Variants in OR7A5 observed in about 807,000 individuals in gnomAD.
OR7A5 encodes olfactory receptor family 7 subfamily A member 5.
For missense variants in OR7A5, 319 were observed against 377.9 expected, an observed-to-expected ratio of 0.84 and a Z score of 1.29; for synonymous variants, 140 against 146.7, an observed-to-expected ratio of 0.95 and a Z score of 0.33.
intron 1 of OR7A5, among the ~76,000 whole-genome samples, chr19:14,828,866 T>C (rs1417183962): frequency 6.7e-6 from 1 of 148,426 alleles, no homozygotes; most frequent in African/African-American, 2.5e-5. Context: ...AGATAATGAG[T>C]GAACAATGCT....
At position 14,827,829 on chromosome 19, in the gene OR7A5, G is replaced by A. The variant is rs780497335; in HGVS notation, c.413C>T (p.Pro138Leu). 6.2e-7 allele frequency: 1 copy of A among 1,614,144 alleles called. No individual in the cohort carries two copies. The highest frequency in any genetic ancestry group is 1.1e-5 in the South Asian group (1 of 91,090). ...HPLHYMVIMN[P>L]HLCGLLVLAS... ...TAGAACCAGCAGTCCACAGAGGTGAGGGTTCATAATGACCATGTAGTGCAG... is the reference window on the plus strand; with the variant it reads ...TAGAACCAGCAGTCCACAGAGGTGAAGGTTCATAATGACCATGTAGTGCAG... Residue 138 changes from proline to leucine, a missense_variant, in exon 2 of 2, where the codon CCT (proline) becomes CTT (leucine). Coordinates refer to ENST00000322301, the MANE Select transcript of OR7A5 (RefSeq NM_017506.2).
At chr19:14,832,953 A>T (rs534985320) in intron 1 of OR7A5, among the ~76,000 whole-genome samples, 1 of 152,214 alleles carries the variant, frequency 6.6e-6, no homozygotes, top group Non-Finnish European at 1.5e-5. Context: ...TATGGCATAC[A>T]CTGTTCATAA....
Position 14,831,379 on chromosome 19 carries a change from G to A in OR7A5, c.-13-3125C>T, listed in dbSNP as rs117253686. ...CAATTGGTTTTTATATGAATTGAGAGTGGATGAAGCAGTCCCTTTCTCACT... is the reference window on the plus strand; with the variant it reads ...CAATTGGTTTTTATATGAATTGAGAATGGATGAAGCAGTCCCTTTCTCACT... On this transcript the variant is annotated intron_variant, in intron 1 of 1. Transcript: ENST00000322301. Among the ~76,000 whole-genome samples the A allele has an allele frequency of 3.9e-5, 6 of 152,234 alleles. No individual in the cohort carries two copies. The East Asian group carries it at 1.2e-3, about 29-fold the overall frequency.
At position 14,827,906 on chromosome 19, in the gene OR7A5, G is replaced by A. The variant is rs1411821153; in HGVS notation, c.336C>T (p.Asn112=). Residue 112 remains asparagine (N), a synonymous_variant, in exon 2 of 2, where the codon AAC becomes AAT. Transcript: ENST00000322301. ...YFFILFAGFE[N]FLLSVMAYDR... is the part of the protein sequence containing the mutation. ...CATAGGCCATCACGGACAGGAGGAA[G>A]TTTTCAAATCCAGCAAAGAGTATGA... The A allele has an allele frequency of 1.9e-6, 3 of 1,614,208 alleles. No individual in the cohort carries two copies. The highest frequency in any genetic ancestry group is 1.6e-4 in the Middle Eastern group (1 of 6,062).
At chr19:14,828,707 C>T (rs983046329) in intron 1 of OR7A5, among the ~76,000 whole-genome samples, 2 of 128,188 alleles carry the variant, frequency 1.6e-5, no homozygotes, top group South Asian at 5.2e-4. Context: ...TTGCAGTGAG[C>T]TGAGATCATG....
At chr19:14,834,123 A>C (rs895022583) in intron 1 of OR7A5, among the ~76,000 whole-genome samples, 1 of 152,132 alleles carries the variant, frequency 6.6e-6, no homozygotes, top group Non-Finnish European at 1.5e-5. Flanking sequence ...TTAGCCTAGC[A>C]TGGTGGTGCA....
At chr19:14,831,588 G>A (rs2044832830) in intron 1 of OR7A5, among the ~76,000 whole-genome samples, 3 of 152,020 alleles carry the variant, frequency 2.0e-5, no homozygotes, top group Admixed American at 2.0e-4. Context: ...GGCATTACAG[G>A]TGCCCGCCAC....
At position 14,828,200 on chromosome 19, in the gene OR7A5, A is replaced by G; in HGVS notation, c.42T>C (p.Leu14=). The change falls in exon 2 of 2, where the codon CTT becomes CTC. Residue 14 remains leucine (L), a synonymous_variant. Coordinates refer to ENST00000322301, the MANE Select transcript of OR7A5 (RefSeq NM_017506.2). ...GTCCAGGTTCTTGTGAAAATCCCAG[A>G]AGAAGAAATTCTGAAATTTGTGTAT... is the stretch of plus-strand genomic sequence containing the variant. The part of the protein sequence containing the change: ...GNDTQISEFL[L]LGFSQEPGLQ... 2 of 1,613,264 alleles carry G rather than the reference A, an allele frequency of 1.2e-6. No homozygotes were observed. Among genetic ancestry groups the G allele is most frequent in the South Asian group, 1.1e-5 (1 of 91,014 alleles).
Position 14,827,367 on chromosome 19 carries a change from A to T in OR7A5, c.875T>A (p.Leu292Gln), listed in dbSNP as rs2044778334. The T allele has an allele frequency of 1.2e-6, 2 of 1,609,286 alleles. No homozygotes were observed. The highest frequency in any genetic ancestry group is 2.7e-5 in the African/African-American group (2 of 74,648). The part of the protein sequence containing the change: ...TPMLNPFIYS[L>Q]RNKDIKRALG... ...AGCCCTCTTTATGTCTTTATTCCTC[A>T]GACTATAGATAAAGGGGTTCAGCAT... The change falls in exon 2 of 2, where the codon CTG (leucine) becomes CAG (glutamine). Residue 292 changes from leucine (L) to glutamine (Q), a missense_variant. Leu to Gln is a moderately radical substitution (Grantham distance 113, BLOSUM62 -2). Coordinates refer to ENST00000322301, the MANE Select transcript of OR7A5 (RefSeq NM_017506.2).
At chr19:14,830,808 C>T (rs1043271560) in intron 1 of OR7A5, among the ~76,000 whole-genome samples, 7 of 152,148 alleles carry the variant, frequency 4.6e-5, no homozygotes, top group Non-Finnish European at 8.8e-5. Flanking sequence ...TCTAAGTCTG[C>T]CTTTCTTCAT....
intron 1 of OR7A5, among the ~76,000 whole-genome samples, chr19:14,828,836 C>A (rs886847822): frequency 2.7e-5 from 4 of 147,540 alleles, no homozygotes; most frequent in African/African-American, 7.6e-5. Flanking sequence ...TGAATGTTGA[C>A]CATGTTCTTG....
At chr19:14,831,984 C>T (rs1434129472) in intron 1 of OR7A5, among the ~76,000 whole-genome samples, 1 of 152,200 alleles carries the variant, frequency 6.6e-6, no homozygotes, top group Non-Finnish European at 1.5e-5. Flanking sequence ...TCATAGCTCA[C>T]TGCAGCCTCA....
chr19:14,834,396 G>A (rs1421251231), intron 1 of OR7A5, among the ~76,000 whole-genome samples: 4 of 152,158 alleles, frequency 2.6e-5, no homozygotes, highest in Non-Finnish European at 4.4e-5. Flanking sequence ...CACTCTCTTT[G>A]ATAAAGTCTA....
At position 14,831,275 on chromosome 19, in the gene OR7A5, C is replaced by T. The variant is rs117151160; in HGVS notation, c.-13-3021G>A. Among the ~76,000 whole-genome samples the T allele has an allele frequency of 1.5e-3, 227 of 152,180 alleles. 2 individuals carry two copies. In the East Asian group the frequency reaches 0.032, roughly 22 times the overall value. ...CAATTCACAAAAAGAAACATACAAA[C>T]AATGACAAGATTTGGGCATTTTTAT... On this transcript the variant is annotated intron_variant, in intron 1 of 1. Coordinates refer to ENST00000322301, the MANE Select transcript of OR7A5 (RefSeq NM_017506.2).
Position 14,828,041 on chromosome 19 carries a change from G to C in OR7A5, c.201C>G (p.Ser67=). 1 of 1,614,234 alleles carries C rather than the reference G, an allele frequency of 6.2e-7. No individual in the cohort carries two copies. Among genetic ancestry groups the C allele is most frequent in the East Asian group, 2.2e-5 (1 of 44,880 alleles). ...TPMYFFLSNL[S]FADICVTSTT... ...TGGAAGTAACACAAATGTCAGCAAA[G>C]GACAGGTTGGAGAGGAAGAAGTACA... Residue 67 remains serine (S), a synonymous_variant, in exon 2 of 2, where the codon TCC becomes TCG. Coordinates refer to ENST00000322301, the MANE Select transcript of OR7A5 (RefSeq NM_017506.2).
chr19:14,828,265 G>C lies in OR7A5; in HGVS notation c.-13-11C>G, dbSNP rs772880095. 2.6e-5 allele frequency: 41 copies of C among 1,584,504 alleles called. No individual in the cohort carries two copies. Among genetic ancestry groups the C allele is most frequent in the Non-Finnish European group, 3.4e-5 (39 of 1,164,170 alleles). On this transcript the variant is annotated splice_polypyrimidine_tract_variant and intron_variant, in intron 1 of 1. Coordinates refer to ENST00000322301, the MANE Select transcript of OR7A5 (RefSeq NM_017506.2). ...ATTTGATTGAAGTGACTATCAGAGA[G>C]AGAGAGAGAAAGAGGGAAACGAGAC...
chr19:14,831,653 C>T (rs1599927068), intron 1 of OR7A5, among the ~76,000 whole-genome samples: 2 of 152,154 alleles, frequency 1.3e-5, no homozygotes, highest in African/African-American at 4.8e-5. Context: ...CCATGTTAGC[C>T]AGGATGGTCT....
chr19:14,833,295 A>G (rs1178882666), intron 1 of OR7A5, among the ~76,000 whole-genome samples: 11 of 152,238 alleles, frequency 7.2e-5, no homozygotes, highest in Admixed American at 7.2e-4. Flanking sequence ...CCTGGGCAAT[A>G]TGGCGAAACG....
chr19:14,831,116 T>C (rs2044827809), intron 1 of OR7A5, among the ~76,000 whole-genome samples: 1 of 152,228 alleles, frequency 6.6e-6, no homozygotes, highest in South Asian at 2.1e-4. Flanking sequence ...ACTGTCTTGG[T>C]AAATTCTTAC....
Sources: allele counts gnomAD v4.1 joint callset (sites outside exome capture counted in the v4.1 genomes callset), GRCh38; gene constraint gnomAD v4.1.1; transcripts MANE v1.5; gene names NCBI Gene and HGNC (gene_info 2026-07-23, HGNC 2026-07-21).